Variants in TRPM3 observed in about 807,000 individuals in gnomAD.
The protein encoded by TRPM3 is transient receptor potential cation channel subfamily M member 3, also known as long transient receptor potential channel 3.
A neutral mutation model predicts 181.2 loss-of-function variants in TRPM3; 77 were observed. The ratio of observed to expected loss-of-function variants is 0.42; its 90% CI spans 0.35 to 0.51. The LOEUF is 0.51. TRPM3 is among the 20% of genes least tolerant of loss of function. The pLI, the probability that TRPM3 is intolerant of heterozygous loss-of-function variation, is 0.01. For missense variants in TRPM3, 1,759 were observed against 2,196.7 expected, an observed-to-expected ratio of 0.80 and a Z score of 3.98; for synonymous variants, 745 against 796.4, an observed-to-expected ratio of 0.94 and a Z score of 1.09.
chr9:71,425,871 T>A (rs566947068), intron 1 of TRPM3, among the ~76,000 whole-genome samples: 1 of 152,278 alleles, frequency 6.6e-6, no homozygotes, highest in South Asian at 2.1e-4. Flanking sequence ...AATCTCTTAG[T>A]TCCTCAAACA....
At chr9:70,640,328 C>A (rs1394707581) in intron 10 of TRPM3, among the ~76,000 whole-genome samples, 3 of 152,096 alleles carry the variant, frequency 2.0e-5, no homozygotes, top group African/African-American at 2.4e-5. Flanking sequence ...CTATTAAAGA[C>A]AACTCATAGA....
intron 1 of TRPM3, among the ~76,000 whole-genome samples, chr9:71,133,292 C>CTTTTTTTTT (rs761379173): frequency 0.018 from 1,325 of 72,270 alleles, 188 homozygotes; most frequent in East Asian, 0.06. Flanking sequence ...TAGCAAATTG[C>CTTTTTTTTT]TTTTTTTTTT....
At chr9:70,774,741 T>C (rs533617908) in intron 7 of TRPM3, 2 of 152,350 alleles carry the variant, frequency 1.3e-5, no homozygotes, top group East Asian at 3.9e-4. Context: ...TCAAGACTTT[T>C]AGAGGTTTAT....
At chr9:71,317,877 T>C (rs1358832926) in intron 1 of TRPM3, among the ~76,000 whole-genome samples, 2 of 152,240 alleles carry the variant, frequency 1.3e-5, no homozygotes, top group Non-Finnish European at 2.9e-5. Flanking sequence ...TAGGACCAAA[T>C]TTTTGAAATA....
intron 1 of TRPM3, among the ~76,000 whole-genome samples, chr9:71,097,582 A>G (rs938375946): frequency 3.3e-5 from 5 of 151,938 alleles, no homozygotes; most frequent in African/African-American, 9.7e-5. Context: ...GCACCAGTGA[A>G]TTTCCTCTAA....
rs3010418 is a variant in TRPM3 at position 70,920,914 on chromosome 9, A to G, written c.178-56403T>C. The stretch of plus-strand genomic sequence containing the variant: ...CTTCAAATACCGGTTGCATACTCTC[A>G]ATTAAATATTCCTAGTCACTACTGA... On this transcript the variant is annotated intron_variant, in intron 1 of 25. Transcript: ENST00000677713. Among the ~76,000 whole-genome samples, 560 of 152,250 alleles carry G rather than the reference A, an allele frequency of 3.7e-3. 5 individuals carry two copies. The highest frequency in any genetic ancestry group is 0.013 in the African/African-American group (546 of 41,534).
chr9:71,335,286 C>A (rs2090474555), intron 1 of TRPM3, among the ~76,000 whole-genome samples: 1 of 152,104 alleles, frequency 6.6e-6, no homozygotes. Context: ...CCCTGAAACC[C>A]TGGGTAGGAG....
intron 1 of TRPM3, among the ~76,000 whole-genome samples, chr9:71,143,104 G>A (rs2134559333): frequency 6.8e-6 from 1 of 146,676 alleles, no homozygotes; most frequent in African/African-American, 2.5e-5. Flanking sequence ...TAGCATGGAG[G>A]ACAGAATGAG....
At position 71,333,338 on chromosome 9, in the gene TRPM3, C is replaced by A. The variant is rs1166480611; in HGVS notation, c.183+113315G>T. Among the ~76,000 whole-genome samples the A allele has an allele frequency of 2.6e-5, 4 of 151,954 alleles. 1 individual carries two copies. Among genetic ancestry groups the A allele is most frequent in the Non-Finnish European group, 5.9e-5 (4 of 67,970 alleles). On this transcript the variant is annotated intron_variant, in intron 1 of 24. Transcript: ENST00000357533. ...CAAATAGCTCCCAATAGCATTCATG[C>A]CCTTGGATAATCCTCTCCTATTGAG...
intron 1 of TRPM3, among the ~76,000 whole-genome samples, chr9:71,327,744 A>C (rs1197661579): frequency 6.6e-6 from 1 of 152,174 alleles, no homozygotes; most frequent in Non-Finnish European, 1.5e-5. Flanking sequence ...ACAGAAGTCA[A>C]CTTTTCTTCT....
At position 71,351,488 on chromosome 9, in the gene TRPM3, T is replaced by A. The variant is rs532029072; in HGVS notation, c.183+95165A>T. ...TGATCGAAACTATATATATGATTAG[T>A]GAAAGAATTTGACATTAGATGGTTT... On this transcript the variant is annotated intron_variant, in intron 1 of 24. Coordinates refer to the TRPM3 transcript ENST00000357533. Among the ~76,000 whole-genome samples, 7 of 152,336 alleles carry A rather than the reference T, an allele frequency of 4.6e-5. No individual in the cohort carries two copies. In the East Asian group the frequency reaches 1.2e-3, roughly 25 times the overall value.
chr9:70,916,167 G>A (rs1256159912), intron 1 of TRPM3, among the ~76,000 whole-genome samples: 1 of 152,142 alleles, frequency 6.6e-6, no homozygotes, highest in East Asian at 1.9e-4. Context: ...CAAACATGAA[G>A]GGGAAATAAA....
intron 1 of TRPM3, among the ~76,000 whole-genome samples, chr9:71,085,368 C>T (rs767494340): frequency 2.0e-5 from 3 of 151,906 alleles, no homozygotes; most frequent in Admixed American, 6.6e-5. Flanking sequence ...AGAAAATATT[C>T]GCAAACAGTG....
chr9:71,392,315 G>A (rs1190340740), intron 1 of TRPM3, among the ~76,000 whole-genome samples: 1 of 152,028 alleles, frequency 6.6e-6, no homozygotes, highest in African/African-American at 2.4e-5. Context: ...TAAAAGGAAA[G>A]GATAAAATGA....
intron 1 of TRPM3, among the ~76,000 whole-genome samples, chr9:71,047,733 C>T (rs1264313176): frequency 6.6e-6 from 1 of 151,126 alleles, no homozygotes; most frequent in Non-Finnish European, 1.5e-5. Flanking sequence ...ATAGTAGAAA[C>T]TACAAAACTG....
chr9:70,792,805 T>C (rs932713509), intron 6 of TRPM3, among the ~76,000 whole-genome samples: 2 of 152,134 alleles, frequency 1.3e-5, no homozygotes, highest in African/African-American at 4.8e-5. Context: ...AAAGGCTACA[T>C]AGTAAATATT....
At chr9:71,421,375 A>T (rs562862727) in intron 1 of TRPM3, among the ~76,000 whole-genome samples, 1 of 151,616 alleles carries the variant, frequency 6.6e-6, no homozygotes, top group Admixed American at 6.6e-5. Context: ...TTGAAATTTA[A>T]AAAAAAAGGA....
chr9:71,002,876 A>G (rs2097624598), intron 1 of TRPM3, among the ~76,000 whole-genome samples: 1 of 152,132 alleles, frequency 6.6e-6, no homozygotes, highest in Non-Finnish European at 1.5e-5. Flanking sequence ...GCAACCAAGA[A>G]ATATAATATT....
chr9:70,843,027 G>A lies in TRPM3; in HGVS notation c.777C>T (p.Asn259=), dbSNP rs2094780164. ...CATCTCTTCCAATGAGGTCCTCCTGGTTTTCCACAATTCCCCAGGGGGCAA... is the reference window on the plus strand; with the variant it reads ...CATCTCTTCCAATGAGGTCCTCCTGATTTTCCACAATTCCCCAGGGGGCAA... ...IGIAPWGIVE[N]QEDLIGRDVV... The change falls in exon 5 of 26, where the codon AAC becomes AAT. Residue 259 remains asparagine (N), a synonymous_variant. Transcript: ENST00000677713. The A allele has an allele frequency of 1.2e-5, 19 of 1,613,544 alleles. No homozygotes were observed. Among genetic ancestry groups the A allele is most frequent in the Non-Finnish European group, 1.6e-5 (19 of 1,179,836 alleles).
Sources: gnomAD v4.1 joint callset for allele counts (sites outside exome capture counted in the v4.1 genomes callset) on GRCh38, gnomAD v4.1.1 for gene constraint, MANE v1.5 for transcripts, NCBI Gene and HGNC (gene_info 2026-07-23, HGNC 2026-07-21) for gene names.